SMIM41: variants seen among roughly 807,000 people sequenced by gnomAD.
SMIM41 encodes small integral membrane protein 41.
At position 52,092,056 on chromosome 12, in the gene SMIM41, T is replaced by C. The variant is rs1171723874; in HGVS notation, c.*195+8088T>C. 5 of 152,194 alleles carry C rather than the reference T, an allele frequency of 3.3e-5. No individual in the cohort carries two copies. The East Asian group carries it at 9.6e-4, about 29-fold the overall frequency. 9.4% of individuals were successfully genotyped at this position (152,194 alleles called of 1,614,324 possible). On this transcript the variant is annotated intron_variant, in intron 2 of 2. Transcript: ENST00000546390. The stretch of plus-strand genomic sequence containing the variant: ...AGTGGAGAGTGACACGGCCACGTAA[T>C]TGGTTGAAAATTTGAACGGCATGCT...
At position 52,089,675 on chromosome 12, in the gene SMIM41, C is replaced by T. The variant is rs142402074; in HGVS notation, c.*195+5707C>T. ...TCCGTCCTTGCCTCCGCCTCGCTTC[C>T]GGTGGTGACCGGTGGTGGTGGCCGG... is the stretch of plus-strand genomic sequence containing the variant. On this transcript the variant is annotated intron_variant, in intron 2 of 2. Coordinates refer to ENST00000546390, the MANE Select transcript of SMIM41 (RefSeq NM_001369216.1). Among the ~76,000 whole-genome samples the T allele has an allele frequency of 2.0e-4, 30 of 152,214 alleles. 1 individual carries two copies. The East Asian group carries it at 4.4e-3, about 23-fold the overall frequency.
At chr12:52,097,375 T>C (rs563985913) in intron 2 of SMIM41, among the ~76,000 whole-genome samples, 10 of 148,988 alleles carry the variant, frequency 6.7e-5, no homozygotes, top group Non-Finnish European at 1.3e-4. Flanking sequence ...ACGAGCCACA[T>C]TGCAGGGGGG....
chr12:52,102,218 C>T (rs1265376905), intron 2 of SMIM41, among the ~76,000 whole-genome samples: 1 of 152,170 alleles, frequency 6.6e-6, no homozygotes, highest in Non-Finnish European at 1.5e-5. Context: ...ACACCAGGTG[C>T]AAAAATTAAC....
rs564602540 is a variant in SMIM41, at chr12:52,081,021, G to A, written c.*120+840G>A. On this transcript the variant is annotated intron_variant, in intron 1 of 2. Coordinates refer to ENST00000546390, the MANE Select transcript of SMIM41 (RefSeq NM_001369216.1). The surrounding 1 kb of genome is among the most constrained non-coding windows in gnomAD (Gnocchi z 4.1). ...CGGGAAGTGGGGCTGAGGATTTCCA[G>A]CTGTGGGGGCTCTGTCTGGGTGTCT... is the stretch of plus-strand genomic sequence containing the variant. Among the ~76,000 whole-genome samples, 41 of 152,308 alleles carry A rather than the reference G, an allele frequency of 2.7e-4. 1 individual carries two copies. The highest frequency in any genetic ancestry group is 8.7e-4 in the African/African-American group (36 of 41,556).
intron 2 of SMIM41, among the ~76,000 whole-genome samples, chr12:52,097,247 G>A (rs1212238131): frequency 1.3e-5 from 2 of 151,948 alleles, no homozygotes; most frequent in Non-Finnish European, 2.9e-5. Context: ...GATAGGCTCC[G>A]CCACGATGCG....
At chr12:52,085,024 C>T (rs748333734) in intron 2 of SMIM41, among the ~76,000 whole-genome samples, 6 of 152,122 alleles carry the variant, frequency 3.9e-5, no homozygotes, top group Admixed American at 6.5e-5. Flanking sequence ...TGGTTTCCAG[C>T]CTGAATACTG....
intron 2 of SMIM41, among the ~76,000 whole-genome samples, chr12:52,085,382 C>T (rs772008877): frequency 3.9e-5 from 6 of 152,214 alleles, no homozygotes; most frequent in Non-Finnish European, 7.3e-5. Flanking sequence ...CTGAACCTCT[C>T]TGTGGCTCAA....
chr12:52,080,252 G>C (rs1003099817), intron 1 of SMIM41, 71 bp downstream of exon 1: 4 of 218,670 alleles, frequency 1.8e-5, no homozygotes, highest in African/African-American at 2.3e-5. Flanking sequence ...TACTGAGGAG[G>C]CTTCTTGGGG....
intron 2 of SMIM41, among the ~76,000 whole-genome samples, chr12:52,101,474 T>C (rs1462680217): frequency 6.6e-6 from 1 of 151,964 alleles, no homozygotes; most frequent in African/African-American, 2.4e-5. Context: ...ATAAAGGGGG[T>C]TAGCAGACGC....
chr12:52,097,369 G>A (rs1466464275), intron 2 of SMIM41, among the ~76,000 whole-genome samples: 3 of 150,758 alleles, frequency 2.0e-5, no homozygotes, highest in African/African-American at 7.3e-5. Context: ...GATATTACGA[G>A]CCACATTGCA....
At chr12:52,087,310 C>T (rs981643408) in intron 2 of SMIM41, among the ~76,000 whole-genome samples, 2 of 152,224 alleles carry the variant, frequency 1.3e-5, no homozygotes, top group Non-Finnish European at 2.9e-5. Flanking sequence ...CTTAAAATAG[C>T]GCTCTTTGCA....
Position 52,089,769 on chromosome 12 carries a change from G to A in SMIM41, c.*195+5801G>A, listed in dbSNP as rs1025838435. On this transcript the variant is annotated intron_variant, in intron 2 of 2. Transcript: ENST00000546390. ...TGTCCCATCACATGGTGTTCTTCCCGCGTCTCTGTCTCCAAATTTCTTATG... is the reference window on the plus strand; with the variant it reads ...TGTCCCATCACATGGTGTTCTTCCCACGTCTCTGTCTCCAAATTTCTTATG... Among the ~76,000 whole-genome samples, 18 of 152,188 alleles carry A rather than the reference G, an allele frequency of 1.2e-4. 1 individual carries two copies. The highest frequency in any genetic ancestry group is 4.1e-4 in the African/African-American group (17 of 41,442).
rs138067274 is a variant in SMIM41, at chr12:52,107,281, C to T, written c.*196-98C>T. 3.3e-3 allele frequency: 1,371 copies of T among 420,474 alleles called. 8 individuals carry two copies. Among genetic ancestry groups the T allele is most frequent in the Admixed American group, 5.7e-3 (214 of 37,368 alleles). The allele number at this position is 420,474 out of a possible 1,614,324, so 26.0% of individuals were successfully genotyped here. On this transcript the variant is annotated intron_variant, in intron 2 of 2. Coordinates refer to ENST00000546390, the MANE Select transcript of SMIM41 (RefSeq NM_001369216.1). ...AGACACAATGCTGGGTGTTGGTTTA[C>T]TTGTTTCTGATTTCTCAACGCTCTT...
intron 2 of SMIM41, among the ~76,000 whole-genome samples, chr12:52,084,390 A>G (rs200122551): frequency 1.1e-3 from 1 of 914 alleles, no homozygotes; most frequent in Non-Finnish European, 1.8e-3. Context: ...AAAAACAAAC[A>G]AAAAAAAACA....
chr12:52,082,721 C>G (rs948804232), intron 1 of SMIM41, among the ~76,000 whole-genome samples: 1 of 152,206 alleles, frequency 6.6e-6, no homozygotes, highest in Non-Finnish European at 1.5e-5. Flanking sequence ...GGGTTCAGAT[C>G]TTGCCCTAAC....
intron 2 of SMIM41, among the ~76,000 whole-genome samples, chr12:52,100,434 C>A (rs962492101): frequency 2.6e-5 from 4 of 151,738 alleles, no homozygotes; most frequent in African/African-American, 9.7e-5. Flanking sequence ...ACAACCCCTG[C>A]GAGAATGGGA....
At chr12:52,090,719 C>T (rs1202369177) in intron 2 of SMIM41, among the ~76,000 whole-genome samples, 1 of 152,244 alleles carries the variant, frequency 6.6e-6, no homozygotes, top group Non-Finnish European at 1.5e-5. Flanking sequence ...GAGGCCTCTT[C>T]ATGCTCTGGC....
At chr12:52,103,154 C>T (rs139033865) in intron 2 of SMIM41, among the ~76,000 whole-genome samples, 6,593 of 149,808 alleles carry the variant, frequency 0.044, 162 homozygotes, top group South Asian at 0.076. Flanking sequence ...GGTGAAACCC[C>T]GTCTCTACTG....
At chr12:52,086,034 C>T (rs563511259) in intron 2 of SMIM41, among the ~76,000 whole-genome samples, 20 of 152,170 alleles carry the variant, frequency 1.3e-4, no homozygotes, top group Admixed American at 2.0e-4. Context: ...TGCAGGAATG[C>T]ATCAGAATGA....
Sources: gnomAD v4.1 joint callset for allele counts (sites outside exome capture counted in the v4.1 genomes callset) on GRCh38, gnomAD v4.1.1 for gene constraint, Gnocchi (gnomAD v3.1) non-coding constraint, MANE v1.5 for transcripts, NCBI Gene and HGNC (gene_info 2026-07-23, HGNC 2026-07-21) for gene names.